DHRS7C: variants seen among roughly 807,000 people sequenced by gnomAD.
DHRS7C encodes dehydrogenase/reductase SDR family member 7C.
A neutral mutation model predicts 29.6 loss-of-function variants in DHRS7C; 28 were observed. That is an observed-to-expected ratio of 0.95 (90% CI 0.70 to 1.30). DHRS7C has a LOEUF of 1.30. DHRS7C is among the 50% of genes most tolerant of loss of function. The pLI, the probability that DHRS7C is intolerant of heterozygous loss-of-function variation, is 0.00. For synonymous variants in DHRS7C, 158 were observed against 160.2 expected (o/e 0.99, Z 0.10); for missense variants, 403 against 393.3 (o/e 1.02, Z -0.21).
chr17:9,774,525 C>T lies in DHRS7C; in HGVS notation c.572-1603G>A, dbSNP rs1445658287. On this transcript the variant is annotated intron_variant, in intron 4 of 5. Coordinates refer to ENST00000571134, the MANE Select transcript of DHRS7C (RefSeq NM_001105571.3). This position sits in a 1 kb window ranked among gnomAD's most constrained non-coding sequence, Gnocchi z 5.0. ...TCTCAAACTCCTGACCTCAAGTGAT[C>T]TACCCGCCTTGGCCTTCCAAAGTGC... Among the ~76,000 whole-genome samples, 1 of 152,180 alleles carries T rather than the reference C, an allele frequency of 6.6e-6. No individual in the cohort carries two copies. The highest frequency in any genetic ancestry group is 6.5e-5 in the Admixed American group (1 of 15,284).
chr17:9,771,889 C>G (rs2066331347), intron 5 of DHRS7C, among the ~76,000 whole-genome samples, 193 bp from the exon 6 acceptor site: 1 of 152,242 alleles, frequency 6.6e-6, no homozygotes, highest in African/African-American at 2.4e-5. Context: ...CTTCCTTCTG[C>G]GTCTTCGTCT....
chr17:9,771,748 T>A, intron 5 of DHRS7C, 52 bp from the exon 6 acceptor site: 1 of 1,349,756 alleles, frequency 7.4e-7, no homozygotes. Context: ...GGGACCCGGC[T>A]GGTCAGAGCC....
At chr17:9,783,664 T>A (rs185931342) in intron 1 of DHRS7C, among the ~76,000 whole-genome samples, 3 of 152,262 alleles carry the variant, frequency 2.0e-5, no homozygotes, top group Admixed American at 2.0e-4. Flanking sequence ...GGGAAAAGAA[T>A]GTATTACGTA....
intron 1 of DHRS7C, among the ~76,000 whole-genome samples, chr17:9,790,129 C>A (rs1368689792): frequency 6.6e-6 from 1 of 152,136 alleles, no homozygotes; most frequent in East Asian, 1.9e-4. Context: ...AGGGAGGTTA[C>A]AAACGTTCTC....
chr17:9,772,683 C>G, intron 5 of DHRS7C, 84 bp downstream of exon 5: 1 of 1,496,260 alleles, frequency 6.7e-7, no homozygotes, highest in Non-Finnish European at 9.0e-7. Context: ...TCAGGAGTAC[C>G]CATCTGAAGG....
In DHRS7C at chr17:9,771,550, A is replaced by T; in HGVS notation, c.874T>A (p.Phe292Ile). 7 of 1,590,122 alleles carry T rather than the reference A, an allele frequency of 4.4e-6. No individual in the cohort carries two copies. Among genetic ancestry groups the T allele is most frequent in the Non-Finnish European group, 6.0e-6 (7 of 1,166,592 alleles). ...CCACAGGCCACCACGGCGAAAAAGAACTCCGGGAAGAAGGTGCGGACGTAC... is the reference window on the plus strand; with the variant it reads ...CCACAGGCCACCACGGCGAAAAAGATCTCCGGGAAGAAGGTGCGGACGTAC... ...AVYVRTFFPEFFFAVVACGVK... is the reference protein window; with the variant it reads ...AVYVRTFFPEIFFAVVACGVK... Residue 292 changes from phenylalanine (F) to isoleucine (I), a missense_variant, in exon 6 of 6, where the codon TTC (phenylalanine) becomes ATC (isoleucine). Phe to Ile is a conservative substitution (Grantham distance 21, BLOSUM62 0). Coordinates refer to ENST00000571134, the MANE Select transcript of DHRS7C (RefSeq NM_001105571.3).
chr17:9,790,052 A>C (rs796347215), intron 1 of DHRS7C, among the ~76,000 whole-genome samples: 10 of 152,276 alleles, frequency 6.6e-5, no homozygotes, highest in African/African-American at 2.4e-4. Context: ...AGCCATCCTC[A>C]AAGCGTGCAG....
In DHRS7C at chr17:9,776,978, C is replaced by T. The variant is rs542218355; in HGVS notation, c.571+215G>A. Among the ~76,000 whole-genome samples the T allele has an allele frequency of 3.3e-5, 5 of 152,226 alleles. No individual in the cohort carries two copies. The East Asian group carries it at 9.7e-4, about 29-fold the overall frequency. ...CTGTGAGCTTCGCGGACAGAAGGAGCGTATCTTTAATATCTCAGCATCTCC... is the reference window on the plus strand; with the variant it reads ...CTGTGAGCTTCGCGGACAGAAGGAGTGTATCTTTAATATCTCAGCATCTCC... On this transcript the variant is annotated intron_variant, in intron 4 of 5. Transcript: ENST00000571134.
intron 4 of DHRS7C, 55 bp from the exon 5 acceptor site, chr17:9,772,977 G>C (rs2066340467): frequency 2.5e-6 from 4 of 1,596,494 alleles, no homozygotes; most frequent in Non-Finnish European, 2.6e-6. Flanking sequence ...CCTGCTTCCT[G>C]GTGGGCGCAT....
intron 3 of DHRS7C, among the ~76,000 whole-genome samples, chr17:9,779,485 G>A (rs2066381342): frequency 6.6e-6 from 1 of 152,156 alleles, no homozygotes; most frequent in African/African-American, 2.4e-5. Context: ...GTACATGATT[G>A]TTGAGACAAT....
intron 2 of DHRS7C, 91 bp from the exon 3 acceptor site, chr17:9,780,126 G>T: frequency 1.4e-5 from 14 of 995,382 alleles, no homozygotes; most frequent in Admixed American, 3.1e-5. Context: ...CACCCATTTT[G>T]AAATTCAAAG....
intron 3 of DHRS7C, among the ~76,000 whole-genome samples, chr17:9,777,558 A>G (rs1336136901): frequency 6.8e-6 from 1 of 147,992 alleles, no homozygotes; most frequent in Non-Finnish European, 1.5e-5. Context: ...TTAAATGCAT[A>G]TTTATATTTA....
At chr17:9,788,573 C>T (rs569188380) in intron 1 of DHRS7C, among the ~76,000 whole-genome samples, 1 of 152,338 alleles carries the variant, frequency 6.6e-6, no homozygotes, top group Admixed American at 6.5e-5. Context: ...TGGCCAAATC[C>T]AGGAGGTTTA....
Position 9,774,644 on chromosome 17 carries a change from A to G in DHRS7C, c.572-1722T>C, listed in dbSNP as rs1488765820. Among the ~76,000 whole-genome samples the G allele has an allele frequency of 6.6e-6, 1 of 152,172 alleles. No individual in the cohort carries two copies. ...GCCTGCAGCAGGAGGGACACATGGC[A>G]GGCTGCCTTCCCTTTCAAGTCTGTG... On this transcript the variant is annotated intron_variant, in intron 4 of 5. Coordinates refer to ENST00000571134, the MANE Select transcript of DHRS7C (RefSeq NM_001105571.3). This position sits in a 1 kb window ranked among gnomAD's most constrained non-coding sequence, Gnocchi z 5.0.
At position 9,771,678 on chromosome 17, in the gene DHRS7C, G is replaced by GT. The variant is rs748919641; in HGVS notation, c.745dup (p.Thr249AsnfsTer?). On this transcript the variant is annotated frameshift_variant, in exon 6 of 6. Transcript: ENST00000571134. LOFTEE classifies it high-confidence loss of function. ...CACCTCTACTGGGTGCACGCCGTAG[G>GT]TCAGCTTCCTGAAAAAGACTGAAAG... 19 of 1,511,552 alleles carry GT rather than the reference G, an allele frequency of 1.3e-5. No homozygotes were observed. In the South Asian group the frequency reaches 2.2e-4, roughly 18 times the overall value. The allele number at this position is 1,511,552 out of a possible 1,614,324, so 93.6% of individuals were successfully genotyped here.
At position 9,791,259 on chromosome 17, in the gene DHRS7C, A is replaced by G; in HGVS notation, c.26T>C (p.Leu9Pro). 6.2e-7 allele frequency: 1 copy of G among 1,613,674 alleles called. No individual in the cohort carries two copies. Among genetic ancestry groups the G allele is most frequent in the Non-Finnish European group, 8.5e-7 (1 of 1,179,808 alleles). The change falls in exon 1 of 6, where the codon CTC becomes CCC. Residue 9 changes from leucine to proline, a missense_variant. Leu to Pro is a moderately conservative substitution (Grantham distance 98). Coordinates refer to ENST00000571134, the MANE Select transcript of DHRS7C (RefSeq NM_001105571.3). Reference sequence around the variant, plus strand: ...GCTGATTCCCAGCAGCAGCAGGGGGAGCATCAGCATGGCCATGACTCCCAT... The same window carrying G: ...GCTGATTCCCAGCAGCAGCAGGGGGGGCATCAGCATGGCCATGACTCCCAT... MGVMAMLM[L>P]PLLLLGISGL...
chr17:9,783,777 C>T (rs1183323545), intron 1 of DHRS7C, among the ~76,000 whole-genome samples: 1 of 151,904 alleles, frequency 6.6e-6, no homozygotes, highest in Non-Finnish European at 1.5e-5. Flanking sequence ...ACCAGCCTGG[C>T]CAACATGATG....
chr17:9,786,655 G>A lies in DHRS7C; in HGVS notation c.154+4476C>T, dbSNP rs139339374. Among the ~76,000 whole-genome samples, 774 of 152,166 alleles carry A rather than the reference G, an allele frequency of 5.1e-3. 9 individuals are homozygous for A. The highest frequency in any genetic ancestry group is 4.6e-3 in the Non-Finnish European group (310 of 68,014). ...ACAGAATTCACTAACAGAAACTTCCGTGGGCAGCAGAAAGTCTAGTCTTTC... is the reference window on the plus strand; with the variant it reads ...ACAGAATTCACTAACAGAAACTTCCATGGGCAGCAGAAAGTCTAGTCTTTC... On this transcript the variant is annotated intron_variant, in intron 1 of 5. Transcript: ENST00000571134.
intron 1 of DHRS7C, among the ~76,000 whole-genome samples, chr17:9,788,099 C>A (rs1476979357): frequency 6.6e-6 from 1 of 152,174 alleles, no homozygotes; most frequent in Non-Finnish European, 1.5e-5. Flanking sequence ...AGAAACTGCA[C>A]CTTTGAGGTG....
Sources: allele counts gnomAD v4.1 joint callset (sites outside exome capture counted in the v4.1 genomes callset), GRCh38; gene constraint gnomAD v4.1.1; non-coding constraint Gnocchi (gnomAD v3.1); transcripts MANE v1.5; gene names NCBI Gene and HGNC (gene_info 2026-07-23, HGNC 2026-07-21).